CNGB3: variants seen among roughly 807,000 people sequenced by gnomAD.
CNGB3 encodes the protein cyclic nucleotide-gated channel beta-3.
In CNGB3, 86 loss-of-function variants were observed where a neutral mutation model predicts 92.8. The observed-to-expected ratio is 0.93, with a 90% confidence interval of 0.78 to 1.11. The LOEUF (loss-of-function observed/expected upper bound fraction) is 1.11. Ranked by LOEUF, CNGB3 falls within the 50% of genes least tolerant of loss-of-function variation. The pLI is 0.00. For missense variants in CNGB3, 1,026 were observed against 956.8 expected, an observed-to-expected ratio of 1.07 and a Z score of -0.95; for synonymous variants, 333 against 332.7, an observed-to-expected ratio of 1.00 and a Z score of -0.01.
chr8:86,714,175 G>T (rs1331615089), intron 3 of CNGB3, among the ~76,000 whole-genome samples: 1 of 152,036 alleles, frequency 6.6e-6, no homozygotes, highest in Non-Finnish European at 1.5e-5. Context: ...CTGACTATTT[G>T]TCTTCCTAAC....
At chr8:86,622,335 C>T (rs959196269) in intron 13 of CNGB3, among the ~76,000 whole-genome samples, 1 of 149,782 alleles carries the variant, frequency 6.7e-6, no homozygotes, top group African/African-American at 2.5e-5. Context: ...CACAACTAAA[C>T]ATCCTCAGCA....
At chr8:86,609,097 A>G (rs949057361) in intron 14 of CNGB3, among the ~76,000 whole-genome samples, 1 of 152,122 alleles carries the variant, frequency 6.6e-6, no homozygotes, top group East Asian at 1.9e-4. Flanking sequence ...TGTTTTTGTT[A>G]TTGAGTGATG....
chr8:86,689,039 C>T (rs906665207), intron 3 of CNGB3, among the ~76,000 whole-genome samples: 22 of 151,550 alleles, frequency 1.5e-4, no homozygotes, highest in Non-Finnish European at 2.4e-4. Flanking sequence ...TTTTTATTAA[C>T]CCATGGGTCA....
chr8:86,588,926 C>G (rs1194966589), intron 15 of CNGB3, among the ~76,000 whole-genome samples: 1 of 151,658 alleles, frequency 6.6e-6, no homozygotes, highest in Non-Finnish European at 1.5e-5. Flanking sequence ...CCAGTTCCTC[C>G]TTGTACCTCT....
intron 3 of CNGB3, among the ~76,000 whole-genome samples, chr8:86,702,383 T>A (rs2919754): frequency 6.6e-6 from 1 of 152,086 alleles, no homozygotes; most frequent in Non-Finnish European, 1.5e-5. Context: ...TTATAGGTAA[T>A]GAACAAACAT....
intron 15 of CNGB3, among the ~76,000 whole-genome samples, chr8:86,585,398 TC>T (rs1212643508): frequency 6.6e-6 from 1 of 152,136 alleles, no homozygotes; most frequent in East Asian, 1.9e-4. Flanking sequence ...CCAAGCTTTG[TC>T]CAGGGCTGCC....
intron 13 of CNGB3, among the ~76,000 whole-genome samples, chr8:86,623,212 A>G (rs1227320372): frequency 1.3e-5 from 2 of 152,082 alleles, no homozygotes; most frequent in East Asian, 3.9e-4. Context: ...TCCAGCTTGG[A>G]CGTCTCCCCC....
chr8:86,635,820 TGATATA>T (rs1823052051), intron 10 of CNGB3, among the ~76,000 whole-genome samples: 1 of 62,136 alleles, frequency 1.6e-5, no homozygotes, highest in African/African-American at 6.1e-5. Flanking sequence ...GTATAACACA[TGATATA>T]TATATATATA....
At chr8:86,708,763 G>T (rs1196799504) in intron 3 of CNGB3, among the ~76,000 whole-genome samples, 1 of 151,654 alleles carries the variant, frequency 6.6e-6, no homozygotes, top group Admixed American at 6.6e-5. Flanking sequence ...TAAAGATGGG[G>T]TCTTGCTCTG....
intron 13 of CNGB3, among the ~76,000 whole-genome samples, chr8:86,614,662 T>G (rs1039863116): frequency 6.6e-6 from 1 of 152,172 alleles, no homozygotes; most frequent in Non-Finnish European, 1.5e-5. Context: ...GTGGCTATCT[T>G]ATAGGAATAA....
chr8:86,709,329 C>G (rs1586029690), intron 3 of CNGB3, among the ~76,000 whole-genome samples: 1 of 152,258 alleles, frequency 6.6e-6, no homozygotes, highest in South Asian at 2.1e-4. Context: ...GTCAACTTGT[C>G]CCCTGGCTAC....
chr8:86,735,712 A>G lies in CNGB3; in HGVS notation c.211+3943T>C, dbSNP rs116022854. On this transcript the variant is annotated intron_variant, in intron 2 of 17. Coordinates refer to ENST00000320005, the MANE Select transcript of CNGB3 (RefSeq NM_019098.5). The stretch of plus-strand genomic sequence containing the variant: ...ACTCTTATAAGGACCCCTTGATTAC[A>G]TTGGGGTTACCTGAATAATCTGGGA... Among the ~76,000 whole-genome samples, 1,288 of 152,250 alleles carry G rather than the reference A, an allele frequency of 8.5e-3. 19 individuals are homozygous for G. Among genetic ancestry groups the G allele is most frequent in the African/African-American group, 0.029 (1,213 of 41,532 alleles).
chr8:86,603,027 G>A (rs1333911536), intron 15 of CNGB3, among the ~76,000 whole-genome samples: 1 of 152,036 alleles, frequency 6.6e-6, no homozygotes, highest in African/African-American at 2.4e-5. Flanking sequence ...CTAGCCCTTT[G>A]GTAATCAGGC....
At chr8:86,673,097 T>C (rs896448115) in intron 3 of CNGB3, among the ~76,000 whole-genome samples, 8 of 152,244 alleles carry the variant, frequency 5.3e-5, no homozygotes, top group African/African-American at 1.9e-4. Flanking sequence ...GTTTCTACTT[T>C]ATGTACTGCA....
intron 15 of CNGB3, among the ~76,000 whole-genome samples, chr8:86,586,477 C>A (rs1371240921): frequency 1.0e-5 from 1 of 96,634 alleles, no homozygotes; most frequent in Non-Finnish European, 1.9e-5. Flanking sequence ...CCAATGCTAT[C>A]CCTCCCCCCT....
intron 13 of CNGB3, among the ~76,000 whole-genome samples, chr8:86,621,858 A>G (rs1234131138): frequency 2.6e-5 from 4 of 152,134 alleles, no homozygotes; most frequent in African/African-American, 9.7e-5. Flanking sequence ...AGGTCAAGAG[A>G]TTAAGACCAT....
chr8:86,651,282 C>T (rs937687438), intron 7 of CNGB3, among the ~76,000 whole-genome samples: 1 of 151,608 alleles, frequency 6.6e-6, no homozygotes, highest in Admixed American at 6.6e-5. Flanking sequence ...AACCAAAAAC[C>T]ACTTGTACCC....
chr8:86,638,367 T>A (rs1438487786), intron 10 of CNGB3, among the ~76,000 whole-genome samples: 1 of 152,178 alleles, frequency 6.6e-6, no homozygotes, highest in Non-Finnish European at 1.5e-5. Flanking sequence ...TAACCCCATG[T>A]TATCCTAACA....
At chr8:86,638,416 T>C (rs1823115766) in intron 10 of CNGB3, among the ~76,000 whole-genome samples, 1 of 152,120 alleles carries the variant, frequency 6.6e-6, no homozygotes, top group African/African-American at 2.4e-5. Flanking sequence ...GTATTGTCAG[T>C]CTTTTAAATT....
Sources: gnomAD v4.1 joint callset for allele counts (sites outside exome capture counted in the v4.1 genomes callset) on GRCh38, gnomAD v4.1.1 for gene constraint, MANE v1.5 for transcripts, NCBI Gene and HGNC (gene_info 2026-07-23, HGNC 2026-07-21) for gene names.